Variants in FRMD5 observed in about 807,000 individuals in gnomAD.
FRMD5 encodes the protein FERM domain-containing protein 5.
Under a neutral mutation model 69.0 loss-of-function variants are expected in FRMD5, and 20 were observed. The observed-to-expected ratio is 0.29, with a 90% CI of 0.20 to 0.42. FRMD5 has a LOEUF of 0.42. Among genes scored for constraint, FRMD5 ranks in the 10% least tolerant of loss-of-function variants. The pLI, the probability that FRMD5 is intolerant of heterozygous loss-of-function variation, is 1.00. For missense variants in FRMD5, 595 were observed against 708.6 expected (o/e 0.84, Z 1.82); for synonymous variants, 271 against 260.1 (o/e 1.04, Z -0.40).
At chr15:43,989,778 G>A in intron 1 of FRMD5, 1 of 1,021,666 alleles carries the variant, frequency 9.8e-7, no homozygotes, top group Admixed American at 1.7e-5. Context: ...CGGCCTGGAT[G>A]GCCACGTACA....
At chr15:44,082,036 AC>A (rs1894017098) in intron 1 of FRMD5, among the ~76,000 whole-genome samples, 1 of 152,042 alleles carries the variant, frequency 6.6e-6, no homozygotes. Flanking sequence ...TTTTCTTGGT[AC>A]TTTAGGGACA....
intron 1 of FRMD5, among the ~76,000 whole-genome samples, chr15:44,144,763 A>G (rs1032356397): frequency 2.0e-5 from 3 of 152,204 alleles, no homozygotes; most frequent in Admixed American, 6.5e-5. Context: ...CTCAAAAACA[A>G]AATTCTTCCA....
intron 1 of FRMD5, among the ~76,000 whole-genome samples, chr15:43,987,678 T>A (rs1889462714): frequency 6.6e-6 from 1 of 152,148 alleles, no homozygotes; most frequent in African/African-American, 2.4e-5. Context: ...GCCTCCCAAG[T>A]AGCTGGGACT....
chr15:44,155,886 C>T (rs778380125), intron 1 of FRMD5, among the ~76,000 whole-genome samples: 23 of 151,612 alleles, frequency 1.5e-4, no homozygotes, highest in African/African-American at 2.7e-4. Flanking sequence ...TGAGCCAACA[C>T]GCCTGGCTCC....
At chr15:44,096,821 G>A (rs544992001) in intron 1 of FRMD5, among the ~76,000 whole-genome samples, 1 of 152,276 alleles carries the variant, frequency 6.6e-6, no homozygotes, top group Non-Finnish European at 1.5e-5. Context: ...TCAATGTGCA[G>A]TCACCACTCT....
intron 13 of FRMD5, chr15:43,875,754 C>T (rs2088325777): frequency 1.8e-6 from 1 of 569,122 alleles, no homozygotes; most frequent in Admixed American, 3.4e-5. Flanking sequence ...GCACCCAGCC[C>T]CTAATTTGTT....
intron 1 of FRMD5, among the ~76,000 whole-genome samples, chr15:43,951,546 T>C (rs1369189652): frequency 6.6e-6 from 1 of 152,216 alleles, no homozygotes. Context: ...CATAGTGCTC[T>C]TAGACTTCAA....
intron 1 of FRMD5, among the ~76,000 whole-genome samples, chr15:44,188,687 G>T (rs1240437814): frequency 6.6e-6 from 1 of 152,010 alleles, no homozygotes. Context: ...GCTTTGAGAG[G>T]CCTCACAATT....
chr15:43,918,438 A>G (rs2089434883), intron 4 of FRMD5, among the ~76,000 whole-genome samples: 1 of 152,168 alleles, frequency 6.6e-6, no homozygotes, highest in African/African-American at 2.4e-5. Flanking sequence ...AAAGAAAAGA[A>G]TTCCATATTC....
chr15:44,171,510 A>C (rs1479953411), intron 1 of FRMD5, among the ~76,000 whole-genome samples: 1 of 152,264 alleles, frequency 6.6e-6, no homozygotes, highest in Non-Finnish European at 1.5e-5. Flanking sequence ...ATAATAATAC[A>C]CACTGAGAAT....
intron 1 of FRMD5, among the ~76,000 whole-genome samples, chr15:44,012,374 T>C (rs189911942): frequency 2.0e-5 from 3 of 152,338 alleles, no homozygotes; most frequent in East Asian, 1.9e-4. Flanking sequence ...CAAAACCATA[T>C]ACCTAATCAC....
In FRMD5 at chr15:43,974,220, C is replaced by A. The variant is rs115183179; in HGVS notation, c.103-49911G>T. Reference sequence around the variant, plus strand: ...AAAACTTTCCCATGAGAATAAAAATCTCAGGTGACTCCTTAAGGGTGAATG... The same window carrying A: ...AAAACTTTCCCATGAGAATAAAAATATCAGGTGACTCCTTAAGGGTGAATG... On this transcript the variant is annotated intron_variant, in intron 1 of 13. Transcript: ENST00000417257. Among the ~76,000 whole-genome samples the A allele has an allele frequency of 6.3e-3, 954 of 152,174 alleles. 10 individuals carry two copies. The highest frequency in any genetic ancestry group is 0.022 in the African/African-American group (908 of 41,520).
intron 4 of FRMD5, among the ~76,000 whole-genome samples, chr15:43,916,691 A>G (rs74354625): frequency 0.018 from 2,804 of 152,306 alleles, 99 homozygotes; most frequent in African/African-American, 0.065. Flanking sequence ...AACATAAGTA[A>G]GATCTGAGCT....
intron 1 of FRMD5, among the ~76,000 whole-genome samples, chr15:44,172,272 CTT>C (rs769999651): frequency 2.9e-4 from 40 of 137,350 alleles, no homozygotes; most frequent in Non-Finnish European, 3.3e-4. Flanking sequence ...TTCTCTTTTT[CTT>C]TTTTTTTTTT....
At chr15:43,907,508 G>A (rs1209560065) in intron 5 of FRMD5, among the ~76,000 whole-genome samples, 2 of 150,936 alleles carry the variant, frequency 1.3e-5, no homozygotes, top group South Asian at 2.1e-4. Context: ...GAGACTACAG[G>A]TGCACACCCC....
chr15:44,079,461 T>G (rs184344676), intron 1 of FRMD5, among the ~76,000 whole-genome samples: 1 of 152,066 alleles, frequency 6.6e-6, no homozygotes, highest in African/African-American at 2.4e-5. Flanking sequence ...AGTGGAAGGC[T>G]GAAGCAAGAT....
At chr15:44,005,221 C>T (rs1053742474) in intron 1 of FRMD5, among the ~76,000 whole-genome samples, 1 of 152,140 alleles carries the variant, frequency 6.6e-6, no homozygotes, top group Non-Finnish European at 1.5e-5. Flanking sequence ...GTGGCTCATG[C>T]CTGTAATCCA....
chr15:44,029,265 A>G (rs565238998), intron 1 of FRMD5, among the ~76,000 whole-genome samples: 3 of 152,208 alleles, frequency 2.0e-5, no homozygotes, highest in African/African-American at 2.4e-5. Flanking sequence ...TTTAACTTAC[A>G]TTTGGTTCAC....
At chr15:44,077,126 A>G (rs576971890) in intron 1 of FRMD5, among the ~76,000 whole-genome samples, 2 of 152,284 alleles carry the variant, frequency 1.3e-5, no homozygotes, top group East Asian at 3.9e-4. Flanking sequence ...TCTATAAGTC[A>G]AGCATAACAG....
Sources: gnomAD v4.1 joint callset for allele counts (sites outside exome capture counted in the v4.1 genomes callset) on GRCh38, gnomAD v4.1.1 for gene constraint, MANE v1.5 for transcripts, NCBI Gene and HGNC (gene_info 2026-07-23, HGNC 2026-07-21) for gene names.